Variants in FARS2 observed in about 807,000 individuals in gnomAD.
FARS2 encodes the protein phenylalanyl-tRNA synthetase 2, mitochondrial.
Under a neutral mutation model 46.4 loss-of-function variants are expected in FARS2, and 40 were observed. The observed-to-expected ratio is 0.86, with a 90% confidence interval of 0.67 to 1.12. The LOEUF is 1.12. Ranked by LOEUF, FARS2 falls within the 50% of genes most tolerant of loss-of-function variation. The pLI, the probability that FARS2 is intolerant of heterozygous loss-of-function variation, is 0.00. For missense variants in FARS2, 513 were observed against 567.9 expected, an observed-to-expected ratio of 0.90 and a Z score of 0.98; for synonymous variants, 234 against 214.9, an observed-to-expected ratio of 1.09 and a Z score of -0.78.
In FARS2 at chr6:5,284,916, C is replaced by T. The variant is rs1767000305; in HGVS notation, c.-22+23256C>T. Among the ~76,000 whole-genome samples, 3 of 152,158 alleles carry T rather than the reference C, an allele frequency of 2.0e-5. No homozygotes were observed. The South Asian group carries it at 6.2e-4, about 32-fold the overall frequency. On this transcript the variant is annotated intron_variant, in intron 1 of 6. Coordinates refer to ENST00000274680, the MANE Select transcript of FARS2 (RefSeq NM_006567.5). ...TTGCTTAACATGTTCATCTGCATGG[C>T]CTGCCATCACCTGGAACTCAATGTG...
At chr6:5,442,285 T>C (rs1204888965) in intron 4 of FARS2, among the ~76,000 whole-genome samples, 1 of 152,104 alleles carries the variant, frequency 6.6e-6, no homozygotes, top group African/African-American at 2.4e-5. Flanking sequence ...GAATTCTACA[T>C]TTATATCGGT....
At chr6:5,513,068 T>G (rs543869236) in intron 4 of FARS2, among the ~76,000 whole-genome samples, 2 of 152,094 alleles carry the variant, frequency 1.3e-5, no homozygotes, top group African/African-American at 4.8e-5. Flanking sequence ...GAAAACCTGA[T>G]GGAGGCTATG....
rs1407552900 is a variant in FARS2 at position 5,610,595 on chromosome 6, G to C, written c.1066-2574G>C. Among the ~76,000 whole-genome samples, 5 of 152,286 alleles carry C rather than the reference G, an allele frequency of 3.3e-5. No individual in the cohort carries two copies. The South Asian group carries it at 1.0e-3, about 32-fold the overall frequency. On this transcript the variant is annotated intron_variant, in intron 5 of 6. Coordinates refer to ENST00000274680, the MANE Select transcript of FARS2 (RefSeq NM_006567.5). ...CACCATTTTATATAAGGGACCTGAG[G>C]ATTTTGGTAGCTGTGGGGGCCCTGG...
At chr6:5,585,298 AT>A (rs983886235) in intron 5 of FARS2, among the ~76,000 whole-genome samples, 4 of 151,928 alleles carry the variant, frequency 2.6e-5, no homozygotes, top group African/African-American at 4.8e-5. Flanking sequence ...CTCAGTTATC[AT>A]TTTTTTTGTG....
intron 4 of FARS2, among the ~76,000 whole-genome samples, chr6:5,543,866 A>G (rs1770783919): frequency 6.7e-6 from 1 of 148,152 alleles, no homozygotes; most frequent in Non-Finnish European, 1.5e-5. Flanking sequence ...AATCTGGATT[A>G]GTTATGTTTG....
chr6:5,612,020 A>G (rs1172218716), intron 5 of FARS2, among the ~76,000 whole-genome samples: 7 of 152,208 alleles, frequency 4.6e-5, no homozygotes, highest in African/African-American at 1.7e-4. Flanking sequence ...CTCATGGGTC[A>G]TTTGTCACAG....
chr6:5,299,228 G>T (rs1463044564), intron 1 of FARS2, among the ~76,000 whole-genome samples: 1 of 152,208 alleles, frequency 6.6e-6, no homozygotes, highest in Non-Finnish European at 1.5e-5. Context: ...ATTTCTGATA[G>T]TTCCTGAAGG....
intron 1 of FARS2, among the ~76,000 whole-genome samples, chr6:5,365,717 C>A (rs1758632433): frequency 6.6e-6 from 1 of 151,802 alleles, no homozygotes; most frequent in Non-Finnish European, 1.5e-5. Context: ...TTCCTGTATA[C>A]CTTTTGACTT....
At chr6:5,350,765 A>G (rs530050368) in intron 1 of FARS2, among the ~76,000 whole-genome samples, 2 of 152,228 alleles carry the variant, frequency 1.3e-5, no homozygotes, top group Non-Finnish European at 2.9e-5. Flanking sequence ...GCCAGATGTT[A>G]TCATGGGGAG....
At chr6:5,480,581 CT>C (rs1434884036) in intron 4 of FARS2, among the ~76,000 whole-genome samples, 1 of 152,200 alleles carries the variant, frequency 6.6e-6, no homozygotes, top group African/African-American at 2.4e-5. Context: ...AGACATGTGA[CT>C]TTTGGATAAA....
At chr6:5,512,569 G>A (rs527314380) in intron 4 of FARS2, among the ~76,000 whole-genome samples, 8 of 151,956 alleles carry the variant, frequency 5.3e-5, no homozygotes, top group East Asian at 1.9e-4. Flanking sequence ...TGGTTTGCCC[G>A]TCAATTATTT....
intron 5 of FARS2, among the ~76,000 whole-genome samples, chr6:5,552,577 G>T (rs1254262631): frequency 2.0e-5 from 3 of 152,150 alleles, no homozygotes; most frequent in Non-Finnish European, 4.4e-5. Context: ...TCTGATTGAT[G>T]GGACCCTGAG....
Position 5,349,583 on chromosome 6 carries a change from A to G in FARS2, c.-21-18967A>G, listed in dbSNP as rs149102682. 3.8e-3 allele frequency among the ~76,000 whole-genome samples: 586 copies of G among 152,314 alleles called. 2 individuals are homozygous for G. The highest frequency in any genetic ancestry group is 0.014 in the African/African-American group (567 of 41,576). Reference sequence around the variant, plus strand: ...TTGTATTTTACACCCTTGCTCTTTTACTAATGTCTTCAATTAGCCTGGTAC... The same window carrying G: ...TTGTATTTTACACCCTTGCTCTTTTGCTAATGTCTTCAATTAGCCTGGTAC... On this transcript the variant is annotated intron_variant, in intron 1 of 6. Coordinates refer to ENST00000274680, the MANE Select transcript of FARS2 (RefSeq NM_006567.5).
chr6:5,523,416 CT>C lies in FARS2; in HGVS notation c.905-21748del, dbSNP rs74406753. Among the ~76,000 whole-genome samples, 1,114 of 140,796 alleles carry C rather than the reference CT, an allele frequency of 7.9e-3. 7 individuals are homozygous for C. Among genetic ancestry groups the C allele is most frequent in the Non-Finnish European group, 0.011 (702 of 64,708 alleles). The allele number at this position is 140,796 out of a possible 152,430, so 92.4% of individuals were successfully genotyped here. ...GGTGTGACCAGTATACATATGCTAT[CT>C]TTTTTTTTTTTTTTTCTCATGGGAG... On this transcript the variant is annotated intron_variant, in intron 4 of 6. Coordinates refer to ENST00000274680, the MANE Select transcript of FARS2 (RefSeq NM_006567.5).
At chr6:5,435,344 G>A (rs1018406765) in intron 4 of FARS2, among the ~76,000 whole-genome samples, 1 of 152,226 alleles carries the variant, frequency 6.6e-6, no homozygotes, top group Non-Finnish European at 1.5e-5. Flanking sequence ...GTGATAGAGT[G>A]TATTTAATTA....
chr6:5,726,905 G>A (rs1020875735), intron 6 of FARS2, among the ~76,000 whole-genome samples: 4 of 152,190 alleles, frequency 2.6e-5, no homozygotes, highest in African/African-American at 4.8e-5. Flanking sequence ...TGAGCTTCCC[G>A]GGTAACTGGA....
In FARS2 at chr6:5,706,212, C is replaced by T. The variant is rs551891962; in HGVS notation, c.1218-65079C>T. On this transcript the variant is annotated intron_variant, in intron 6 of 6. Transcript: ENST00000274680. Reference sequence around the variant, plus strand: ...GAATCTAATACTGCCGCTGATGTGACAACAGGCAGAACTCAGGTGGTTATG... The same window carrying T: ...GAATCTAATACTGCCGCTGATGTGATAACAGGCAGAACTCAGGTGGTTATG... Among the ~76,000 whole-genome samples, 4 of 152,302 alleles carry T rather than the reference C, an allele frequency of 2.6e-5. No individual in the cohort carries two copies. In the South Asian group the frequency reaches 8.3e-4, roughly 32 times the overall value.
chr6:5,714,261 G>A (rs1759358917), intron 6 of FARS2, among the ~76,000 whole-genome samples: 1 of 152,206 alleles, frequency 6.6e-6, no homozygotes, highest in South Asian at 2.1e-4. Context: ...GCAATGTTGG[G>A]ATCCAGGGGA....
At chr6:5,756,631 C>T (rs550013858) in intron 6 of FARS2, among the ~76,000 whole-genome samples, 3 of 152,300 alleles carry the variant, frequency 2.0e-5, no homozygotes, top group Admixed American at 2.0e-4. Flanking sequence ...GATCCCTCCC[C>T]CAACACTGGG....
Sources: gnomAD v4.1 joint callset for allele counts (sites outside exome capture counted in the v4.1 genomes callset) on GRCh38, gnomAD v4.1.1 for gene constraint, MANE v1.5 for transcripts, NCBI Gene and HGNC (gene_info 2026-07-23, HGNC 2026-07-21) for gene names.